ADCK1: variants seen among roughly 807,000 people sequenced by gnomAD.
The protein encoded by ADCK1 is aarF domain-containing protein kinase 1.
A neutral mutation model predicts 52.3 loss-of-function variants in ADCK1; 41 were observed. The observed-to-expected ratio is 0.78, with a 90% CI of 0.61 to 1.02. ADCK1 has a LOEUF of 1.02. Among genes scored for constraint, ADCK1 ranks in the 50% least tolerant of loss-of-function variants. ADCK1 has a pLI of 0.00. For missense variants in ADCK1, 658 were observed against 679.5 expected, an observed-to-expected ratio of 0.97 and a Z score of 0.35; for synonymous variants, 250 against 274.6, an observed-to-expected ratio of 0.91 and a Z score of 0.89.
Position 77,866,776 on chromosome 14 carries a change from T to G in ADCK1, c.423+7497T>G, listed in dbSNP as rs372165071. Among the ~76,000 whole-genome samples the G allele has an allele frequency of 1.7e-3, 264 of 152,224 alleles. 2 individuals are homozygous for G. In the Middle Eastern group the frequency reaches 0.024, roughly 14 times the overall value. The stretch of plus-strand genomic sequence containing the variant: ...AGGTGGCAGCCAGATTCAGCTTCCC[T>G]TACAGTGTCCTGGTGGGGCCGGGTG... On this transcript the variant is annotated intron_variant, in intron 4 of 10. Coordinates refer to ENST00000238561, the MANE Select transcript of ADCK1 (RefSeq NM_020421.4).
chr14:77,899,112 G>C lies in ADCK1; in HGVS notation c.595G>C (p.Ala199Pro). 1.2e-6 allele frequency: 2 copies of C among 1,613,846 alleles called. No homozygotes were observed. The highest frequency in any genetic ancestry group is 1.7e-6 in the Non-Finnish European group (2 of 1,180,020). Residue 199 changes from alanine (A) to proline (P), a missense_variant, in exon 6 of 11, where the codon GCT becomes CCT. Coordinates refer to ENST00000238561, the MANE Select transcript of ADCK1 (RefSeq NM_020421.4). ...TGTTGGATTTCAGGTGCTCGTTCTG[G>C]CTGTGAAGCAGCTGTTCCCAGAGTT... ...DILLMEVLVL[A>P]VKQLFPEFEF... is the part of the protein sequence containing the mutation.
In ADCK1 at chr14:77,925,850, C is replaced by T. The variant is rs1359220172; in HGVS notation, c.1095C>T (p.Ser365=). 1 of 1,614,104 alleles carries T rather than the reference C, an allele frequency of 6.2e-7. No homozygotes were observed. Among genetic ancestry groups the T allele is most frequent in the Non-Finnish European group, 8.5e-7 (1 of 1,180,052 alleles). The part of the protein sequence containing the change: ...WTDMKRVKEY[S]QRLGAGDLYP... Reference sequence around the variant, plus strand: ...ACATGAAGAGAGTGAAGGAGTACAGCCAGCGACTGGGAGCCGGGGATCTCT... The same window carrying T: ...ACATGAAGAGAGTGAAGGAGTACAGTCAGCGACTGGGAGCCGGGGATCTCT... The change falls in exon 9 of 11, where the codon AGC becomes AGT. Residue 365 remains serine, a synonymous_variant. Coordinates refer to ENST00000238561, the MANE Select transcript of ADCK1 (RefSeq NM_020421.4).
rs2084102730 is a variant in ADCK1 at position 77,923,187 on chromosome 14, GTA to G, written c.859-1268_859-1267del. On this transcript the variant is annotated intron_variant, in intron 7 of 10. Transcript: ENST00000238561. This position sits in a 1 kb window ranked among gnomAD's most constrained non-coding sequence, Gnocchi z 4.3. The stretch of plus-strand genomic sequence containing the variant: ...CCTGAAAGAAAAGGCCTTTGAGAAC[GTA>G]TGGCAAGGGAACCTCATTTTGCCTG... The G allele has an allele frequency of 6.6e-6, 1 of 152,266 alleles. No individual in the cohort carries two copies. Among genetic ancestry groups the G allele is most frequent in the Non-Finnish European group, 1.5e-5 (1 of 68,072 alleles). 9.4% of individuals were successfully genotyped at this position (152,266 alleles called of 1,614,324 possible).
chr14:77,932,126 G>A (rs2084355925), intron 10 of ADCK1, among the ~76,000 whole-genome samples: 1 of 151,546 alleles, frequency 6.6e-6, no homozygotes, highest in Non-Finnish European at 1.5e-5. Flanking sequence ...TCGGCTCACT[G>A]CAACCTTCAT....
chr14:77,915,275 T>C (rs944875004), intron 7 of ADCK1, among the ~76,000 whole-genome samples: 2 of 151,888 alleles, frequency 1.3e-5, no homozygotes, highest in African/African-American at 4.8e-5. Context: ...GTTGGTGTGC[T>C]GCACCCATTG....
chr14:77,858,958 C>T, intron 3 of ADCK1, 118 bp from the exon 4 acceptor site: 1 of 956,854 alleles, frequency 1.0e-6, no homozygotes, highest in Non-Finnish European at 1.5e-6. Flanking sequence ...GTGCATGCAT[C>T]TGCCCTGGGC....
chr14:77,861,152 A>T (rs1389573646), intron 4 of ADCK1, among the ~76,000 whole-genome samples: 1 of 152,050 alleles, frequency 6.6e-6, no homozygotes, highest in Non-Finnish European at 1.5e-5. Context: ...TCCTGCCCCC[A>T]CAATGCTTCT....
intron 4 of ADCK1, among the ~76,000 whole-genome samples, chr14:77,876,510 G>A (rs1463413436): frequency 6.6e-6 from 1 of 152,156 alleles, no homozygotes; most frequent in Admixed American, 6.5e-5. Flanking sequence ...ACATCTTTGG[G>A]GGGCTCATTT....
intron 1 of ADCK1, among the ~76,000 whole-genome samples, chr14:77,808,271 T>A (rs1334347380): frequency 6.6e-6 from 1 of 152,122 alleles, no homozygotes; most frequent in South Asian, 2.1e-4. Context: ...TAAGCAGGCA[T>A]GAGTTCCGTG....
intron 4 of ADCK1, among the ~76,000 whole-genome samples, chr14:77,885,699 C>T (rs1291714839): frequency 6.6e-6 from 1 of 152,134 alleles, no homozygotes; most frequent in African/African-American, 2.4e-5. Flanking sequence ...ACTGAATAGA[C>T]TTCAAAGCAT....
At chr14:77,857,404 C>A (rs1186744297) in intron 3 of ADCK1, among the ~76,000 whole-genome samples, 1 of 152,142 alleles carries the variant, frequency 6.6e-6, no homozygotes, top group Non-Finnish European at 1.5e-5. Context: ...GGGTAGCTAT[C>A]ACCTGAGTAC....
chr14:77,865,482 CAAAACA>C (rs544263237), intron 4 of ADCK1, among the ~76,000 whole-genome samples: 2 of 152,082 alleles, frequency 1.3e-5, no homozygotes, highest in Non-Finnish European at 2.9e-5. Context: ...CACCCCGTAT[CAAAACA>C]AAAACAAAAA....
Position 77,916,128 on chromosome 14 carries a change from A to G in ADCK1, c.858+8209A>G, listed in dbSNP as rs148814856. Among the ~76,000 whole-genome samples, 92 of 152,210 alleles carry G rather than the reference A, an allele frequency of 6.0e-4. No homozygotes were observed. The East Asian group carries it at 0.017, about 29-fold the overall frequency. On this transcript the variant is annotated intron_variant, in intron 7 of 10. Coordinates refer to ENST00000238561, the MANE Select transcript of ADCK1 (RefSeq NM_020421.4). ...GACCCAGGTAAGGTGGAAAGATAGG[A>G]AAGTATTTCTTTGGACTGAGTTGTT... is the stretch of plus-strand genomic sequence containing the variant.
intron 3 of ADCK1, among the ~76,000 whole-genome samples, chr14:77,834,620 T>C (rs1280811117): frequency 6.6e-6 from 1 of 152,224 alleles, no homozygotes; most frequent in East Asian, 1.9e-4. Context: ...CCCCTGGGTT[T>C]TTGGTGGTAT....
chr14:77,832,648 A>G (rs912477107), intron 3 of ADCK1, among the ~76,000 whole-genome samples: 16 of 152,194 alleles, frequency 1.1e-4, no homozygotes, highest in African/African-American at 3.9e-4. Flanking sequence ...AAAACAGTTA[A>G]CAAATATTTA....
intron 4 of ADCK1, among the ~76,000 whole-genome samples, chr14:77,876,778 G>A (rs1240713520): frequency 3.3e-5 from 5 of 152,140 alleles, no homozygotes; most frequent in Admixed American, 6.5e-5. Flanking sequence ...GCCACCCCCC[G>A]ACCTCCCAAG....
At chr14:77,929,196 C>T (rs2084266219) in intron 9 of ADCK1, among the ~76,000 whole-genome samples, 1 of 152,208 alleles carries the variant, frequency 6.6e-6, no homozygotes, top group African/African-American at 2.4e-5. Context: ...GAACCTCCAA[C>T]ATTGTATGAA....
chr14:77,870,654 C>G (rs1260370282), intron 4 of ADCK1, among the ~76,000 whole-genome samples: 1 of 152,202 alleles, frequency 6.6e-6, no homozygotes, highest in African/African-American at 2.4e-5. Flanking sequence ...CCTCAACATC[C>G]CCCTGGAGCT....
intron 1 of ADCK1, among the ~76,000 whole-genome samples, chr14:77,809,608 G>A (rs999669218): frequency 3.3e-5 from 5 of 152,094 alleles, no homozygotes; most frequent in East Asian, 1.9e-4. Flanking sequence ...GATTACAGGC[G>A]TGAGCCACTG....
Sources: allele counts gnomAD v4.1 joint callset (sites outside exome capture counted in the v4.1 genomes callset), GRCh38; gene constraint gnomAD v4.1.1; non-coding constraint Gnocchi (gnomAD v3.1); transcripts MANE v1.5; gene names NCBI Gene and HGNC (gene_info 2026-07-23, HGNC 2026-07-21).